Variants in SRPK2 observed in about 807,000 individuals in gnomAD.
SRPK2 encodes the protein SRSF protein kinase 2.
A neutral mutation model predicts 90.8 loss-of-function variants in SRPK2; 21 were observed. The observed-to-expected ratio is 0.23, with a 90% CI of 0.16 to 0.33. The LOEUF (loss-of-function observed/expected upper bound fraction) is 0.33. Ranked by LOEUF, SRPK2 falls within the 10% of genes least tolerant of loss-of-function variation. The probability of loss-of-function intolerance (pLI) is 1.00; values close to 1 mark genes in which losing one functional copy is unlikely to be tolerated. For synonymous variants in SRPK2, 288 were observed against 311.1 expected (o/e 0.93, Z 0.78); for missense variants, 620 against 869.0 (o/e 0.71, Z 3.60).
intron 3 of SRPK2, among the ~76,000 whole-genome samples, chr7:105,187,569 A>G (rs558199133): frequency 6.6e-6 from 1 of 152,310 alleles, no homozygotes; most frequent in African/African-American, 2.4e-5. Context: ...ACTGAAATTT[A>G]GCTTAAACTA....
chr7:105,274,542 A>G (rs1342082773), intron 2 of SRPK2, among the ~76,000 whole-genome samples: 1 of 151,998 alleles, frequency 6.6e-6, no homozygotes, highest in African/African-American at 2.4e-5. Context: ...AAGCTGGGAG[A>G]CAGAGCAAGA....
Position 105,167,480 on chromosome 7 carries a change from T to C in SRPK2, c.427-16A>G. The C allele has an allele frequency of 6.2e-7, 1 of 1,605,356 alleles. No homozygotes were observed. Among genetic ancestry groups the C allele is most frequent in the Admixed American group, 1.7e-5 (1 of 59,958 alleles). ...TTTCTCGAACCTATGCCAAGAAAAA[T>C]GAATGCAAGAACACAGGAGTTTGAG... On this transcript the variant is annotated splice_polypyrimidine_tract_variant and intron_variant, in intron 5 of 15. Transcript: ENST00000393651.
intron 2 of SRPK2, among the ~76,000 whole-genome samples, chr7:105,365,645 A>T (rs1444622098): frequency 6.6e-6 from 1 of 151,538 alleles, no homozygotes; most frequent in African/African-American, 2.4e-5. Context: ...AAAATGATTT[A>T]AAAATTAGCT....
intron 7 of SRPK2, among the ~76,000 whole-genome samples, chr7:105,153,727 C>T (rs149543104): frequency 6.6e-6 from 1 of 152,330 alleles, no homozygotes; most frequent in African/African-American, 2.4e-5. Context: ...GACTCTGTCT[C>T]CTCCTACTCT....
chr7:105,250,626 T>G (rs1182475812), intron 2 of SRPK2, among the ~76,000 whole-genome samples: 1 of 152,240 alleles, frequency 6.6e-6, no homozygotes. Flanking sequence ...AAATGGAGCC[T>G]TGTTCTTAGA....
chr7:105,355,635 G>A (rs1817695631), intron 2 of SRPK2, among the ~76,000 whole-genome samples: 1 of 152,062 alleles, frequency 6.6e-6, no homozygotes, highest in Admixed American at 6.6e-5. Context: ...ACCTGGGTGA[G>A]AGAACCTGTC....
At chr7:105,241,470 C>G (rs147501444) in intron 2 of SRPK2, among the ~76,000 whole-genome samples, 2 of 152,274 alleles carry the variant, frequency 1.3e-5, no homozygotes, top group South Asian at 4.1e-4. Flanking sequence ...CCATCCACCC[C>G]TCTTCAGCAT....
At chr7:105,377,366 C>T (rs1340772989) in intron 2 of SRPK2, among the ~76,000 whole-genome samples, 2 of 152,078 alleles carry the variant, frequency 1.3e-5, no homozygotes, top group Non-Finnish European at 2.9e-5. Context: ...ACTGACCAAA[C>T]AGCTCTTAAA....
At chr7:105,284,531 G>C (rs1400207660) in intron 2 of SRPK2, among the ~76,000 whole-genome samples, 1 of 152,154 alleles carries the variant, frequency 6.6e-6, no homozygotes, top group African/African-American at 2.4e-5. Context: ...ACAGGTGATT[G>C]AGATTTAAAA....
intron 2 of SRPK2, among the ~76,000 whole-genome samples, chr7:105,275,760 A>T (rs1029895588): frequency 3.9e-5 from 6 of 152,300 alleles, no homozygotes; most frequent in African/African-American, 1.4e-4. Context: ...ACATCCTAGG[A>T]GAAAAACGGA....
chr7:105,298,638 T>A lies in SRPK2; in HGVS notation c.71+90010A>T, dbSNP rs571887362. ...TACAAAAAGGAAAAGCAAACAAAAG[T>A]ATCAAATAAAAAGGCCCCATAGGAT... On this transcript the variant is annotated intron_variant, in intron 2 of 15. Coordinates refer to ENST00000393651, the MANE Select transcript of SRPK2 (RefSeq NM_182692.3). 3.3e-3 allele frequency: 2,627 copies of A among 788,424 alleles called. 7 individuals carry two copies. The highest frequency in any genetic ancestry group is 3.8e-3 in the Non-Finnish European group (2,477 of 650,134). The allele number at this position is 788,424 out of a possible 1,614,324, so 48.8% of individuals were successfully genotyped here.
At chr7:105,134,974 G>A (rs1361753268) in intron 11 of SRPK2, among the ~76,000 whole-genome samples, 1 of 152,114 alleles carries the variant, frequency 6.6e-6, no homozygotes, top group Admixed American at 6.6e-5. Flanking sequence ...CAAAAATTCA[G>A]AAAGAAAGCA....
rs921892236 is a variant in SRPK2 at position 105,358,035 on chromosome 7, C to A, written c.71+30613G>T. On this transcript the variant is annotated intron_variant, in intron 2 of 15. Transcript: ENST00000393651. ...GGTCAAGAGATCAAGACCATCCTGA[C>A]CAACATGGTAAAACCCTGTCTCTAG... 3.3e-5 allele frequency among the ~76,000 whole-genome samples: 5 copies of A among 151,770 alleles called. No homozygotes were observed. In the East Asian group the frequency reaches 9.8e-4, roughly 30 times the overall value.
At chr7:105,347,050 G>GAGAT (rs779695195) in intron 2 of SRPK2, among the ~76,000 whole-genome samples, 1 of 150,208 alleles carries the variant, frequency 6.7e-6, no homozygotes, top group Non-Finnish European at 1.5e-5. Flanking sequence ...ACTTGGCTAT[G>GAGAT]AGATAGACTG....
At chr7:105,195,329 G>A (rs1414346866) in intron 3 of SRPK2, among the ~76,000 whole-genome samples, 1 of 152,238 alleles carries the variant, frequency 6.6e-6, no homozygotes, top group Non-Finnish European at 1.5e-5. Context: ...GATTACAGGC[G>A]TGGGCCACCA....
chr7:105,254,004 A>C (rs1332905949), intron 2 of SRPK2, among the ~76,000 whole-genome samples: 3 of 152,238 alleles, frequency 2.0e-5, no homozygotes, highest in African/African-American at 4.8e-5. Flanking sequence ...AATCCTTACA[A>C]AATTTAGATT....
chr7:105,276,292 T>C (rs11769936), intron 2 of SRPK2, among the ~76,000 whole-genome samples: 27,494 of 150,768 alleles, frequency 0.18, 3,152 homozygotes, highest in East Asian at 0.59. Flanking sequence ...TTGCCGAGGC[T>C]GGTCTTGAAC....
chr7:105,328,036 A>C (rs553845079), intron 2 of SRPK2, among the ~76,000 whole-genome samples: 1 of 152,186 alleles, frequency 6.6e-6, no homozygotes, highest in Non-Finnish European at 1.5e-5. Context: ...TTGGCCTCCC[A>C]AAGTGCTGGG....
At chr7:105,365,008 G>A (rs1446475362) in intron 2 of SRPK2, among the ~76,000 whole-genome samples, 1 of 152,194 alleles carries the variant, frequency 6.6e-6, no homozygotes, top group Non-Finnish European at 1.5e-5. Flanking sequence ...AAGGTTAGCA[G>A]CTTTACAGAC....
Sources: gnomAD v4.1 joint callset for allele counts (sites outside exome capture counted in the v4.1 genomes callset) on GRCh38, gnomAD v4.1.1 for gene constraint, MANE v1.5 for transcripts, NCBI Gene and HGNC (gene_info 2026-07-23, HGNC 2026-07-21) for gene names.